Variants in SPHKAP observed in about 807,000 individuals in gnomAD.
SPHKAP encodes A-kinase anchor protein SPHKAP.
In SPHKAP, 67 loss-of-function variants were observed where a neutral mutation model predicts 137.5. That is an observed-to-expected ratio of 0.49 (90% CI 0.40 to 0.60). SPHKAP has a LOEUF of 0.60. SPHKAP is among the 20% of genes least tolerant of loss of function. The probability of loss-of-function intolerance (pLI) is 0.00; values close to 1 mark genes in which losing one functional copy is unlikely to be tolerated. For synonymous variants in SPHKAP, 813 were observed against 785.3 expected, an observed-to-expected ratio of 1.04 and a Z score of -0.59; for missense variants, 2,097 against 2,069.3, an observed-to-expected ratio of 1.01 and a Z score of -0.26.
rs776401360 is a variant in SPHKAP, at chr2:228,181,524, T to A, written c.32+43A>T. The A allele has an allele frequency of 1.2e-5, 19 of 1,613,216 alleles. No homozygotes were observed. The highest frequency in any genetic ancestry group is 7.6e-6 in the Non-Finnish European group (9 of 1,179,672). On this transcript the variant is annotated intron_variant, in intron 1 of 11. Coordinates refer to ENST00000392056, the MANE Select transcript of SPHKAP (RefSeq NM_001142644.2). This position sits in a 1 kb window ranked among gnomAD's most constrained non-coding sequence, Gnocchi z 4.3. ...GAGCGACTCACAACGCGGAACGGAGTTTGATCGACATGGTATTGGGCATAG... is the reference window on the plus strand; with the variant it reads ...GAGCGACTCACAACGCGGAACGGAGATTGATCGACATGGTATTGGGCATAG...
chr2:228,151,422 G>A (rs1056022300), intron 1 of SPHKAP, among the ~76,000 whole-genome samples: 2 of 152,058 alleles, frequency 1.3e-5, no homozygotes, highest in African/African-American at 4.8e-5. Context: ...ATAGCAGCAT[G>A]ATTTATAGTC....
chr2:228,029,232 C>T (rs1203889267), intron 3 of SPHKAP, among the ~76,000 whole-genome samples: 3 of 152,168 alleles, frequency 2.0e-5, no homozygotes, highest in African/African-American at 4.8e-5. Context: ...AAACTGAGAA[C>T]ATTAATTACC....
At chr2:227,986,130 G>A (rs1019362199) in intron 11 of SPHKAP, among the ~76,000 whole-genome samples, 2 of 152,106 alleles carry the variant, frequency 1.3e-5, no homozygotes, top group African/African-American at 4.8e-5. Context: ...CAGTTTTAAG[G>A]CACTTTCCTA....
chr2:228,128,940 T>C (rs975480697), intron 2 of SPHKAP, among the ~76,000 whole-genome samples: 1 of 152,140 alleles, frequency 6.6e-6, no homozygotes, highest in Non-Finnish European at 1.5e-5. Flanking sequence ...ACCCAGGTAG[T>C]AGATTTAGCA....
At chr2:228,087,939 G>A (rs1227794426) in intron 3 of SPHKAP, among the ~76,000 whole-genome samples, 2 of 152,046 alleles carry the variant, frequency 1.3e-5, no homozygotes, top group Non-Finnish European at 2.9e-5. Context: ...TTTCTCAGCT[G>A]TTTCAAAAAG....
intron 3 of SPHKAP, among the ~76,000 whole-genome samples, chr2:228,060,764 G>A (rs1460685961): frequency 6.6e-6 from 1 of 152,188 alleles, no homozygotes; most frequent in African/African-American, 2.4e-5. Flanking sequence ...AGCCTGATGA[G>A]GGGCTGACAT....
At chr2:228,109,960 A>AAAG (rs1698468194) in intron 2 of SPHKAP, among the ~76,000 whole-genome samples, 1 of 149,940 alleles carries the variant, frequency 6.7e-6, no homozygotes. Context: ...ATGTCTCAAA[A>AAAG]AAAAAAAAAA....
At chr2:227,997,259 T>A (rs1212135374) in intron 7 of SPHKAP, among the ~76,000 whole-genome samples, 1 of 152,178 alleles carries the variant, frequency 6.6e-6, no homozygotes, top group Non-Finnish European at 1.5e-5. Flanking sequence ...CTACTGTTTT[T>A]CAAAACTGCA....
rs1214429061 is a variant in SPHKAP, at chr2:228,019,528, C to T, written c.1326G>A (p.Arg442=). The part of the protein sequence containing the change: ...CYSTKDTVVS[R]SWNELPKIVV... ...CGATTTTGGGGAGCTCATTCCATGA[C>T]CGAGAAACCACTGTATCTTTTGTGG... The change falls in exon 7 of 12, where the codon CGG becomes CGA. Residue 442 remains arginine (R), a synonymous_variant. Coordinates refer to ENST00000392056, the MANE Select transcript of SPHKAP (RefSeq NM_001142644.2). The T allele has an allele frequency of 6.2e-7, 1 of 1,614,166 alleles. No individual in the cohort carries two copies. The highest frequency in any genetic ancestry group is 2.2e-5 in the East Asian group (1 of 44,870).
At chr2:228,022,805 G>A (rs1242927215) in intron 5 of SPHKAP, among the ~76,000 whole-genome samples, 1 of 152,200 alleles carries the variant, frequency 6.6e-6, no homozygotes, top group Non-Finnish European at 1.5e-5. Flanking sequence ...TTGAGTCCCA[G>A]TTTCTCAGAT....
At chr2:228,116,133 T>G (rs1345451685) in intron 2 of SPHKAP, among the ~76,000 whole-genome samples, 1 of 152,140 alleles carries the variant, frequency 6.6e-6, no homozygotes, top group Non-Finnish European at 1.5e-5. Flanking sequence ...TAACGTATTT[T>G]GTGATAGCAG....
intron 1 of SPHKAP, among the ~76,000 whole-genome samples, chr2:228,143,912 T>C (rs1204612696): frequency 2.6e-5 from 4 of 152,190 alleles, no homozygotes; most frequent in Non-Finnish European, 5.9e-5. Flanking sequence ...GCATGGACCG[T>C]CTGTTACCTC....
intron 2 of SPHKAP, among the ~76,000 whole-genome samples, chr2:228,115,268 C>G (rs1698671568): frequency 6.6e-6 from 1 of 152,064 alleles, no homozygotes; most frequent in Non-Finnish European, 1.5e-5. Context: ...TTCTGTAGAG[C>G]TTGGCTTTTC....
chr2:228,038,815 C>A (rs545732985), intron 3 of SPHKAP, among the ~76,000 whole-genome samples: 5 of 152,240 alleles, frequency 3.3e-5, no homozygotes, highest in African/African-American at 9.6e-5. Context: ...AAGAAAGGGA[C>A]ATTTGTAATA....
At chr2:228,032,502 A>C (rs1395149866) in intron 3 of SPHKAP, among the ~76,000 whole-genome samples, 2 of 152,210 alleles carry the variant, frequency 1.3e-5, no homozygotes, top group Non-Finnish European at 1.5e-5. Flanking sequence ...CAAGGCAGGC[A>C]AACATTCAGA....
At chr2:228,012,700 G>A (rs530783798) in intron 7 of SPHKAP, among the ~76,000 whole-genome samples, 2 of 152,136 alleles carry the variant, frequency 1.3e-5, no homozygotes, top group African/African-American at 2.4e-5. Context: ...GTCAGAATAA[G>A]CACTCAAATA....
intron 3 of SPHKAP, among the ~76,000 whole-genome samples, chr2:228,059,096 T>C (rs545153999): frequency 6.6e-6 from 1 of 152,356 alleles, no homozygotes; most frequent in East Asian, 1.9e-4. Context: ...GCATTTGCGT[T>C]GTATTCATGT....
At chr2:228,145,341 T>C (rs1699742992) in intron 1 of SPHKAP, among the ~76,000 whole-genome samples, 1 of 152,258 alleles carries the variant, frequency 6.6e-6, no homozygotes, top group Non-Finnish European at 1.5e-5. Context: ...TTTACTGTCC[T>C]TTCTATATTT....
chr2:228,029,925 G>C (rs1243054496), intron 3 of SPHKAP, among the ~76,000 whole-genome samples: 1 of 152,132 alleles, frequency 6.6e-6, no homozygotes, highest in Non-Finnish European at 1.5e-5. Context: ...GCAAAGCAGA[G>C]ATCAGAGAGC....
Sources: allele counts gnomAD v4.1 joint callset (sites outside exome capture counted in the v4.1 genomes callset), GRCh38; gene constraint gnomAD v4.1.1; non-coding constraint Gnocchi (gnomAD v3.1); transcripts MANE v1.5; gene names NCBI Gene and HGNC (gene_info 2026-07-23, HGNC 2026-07-21).